Variants in PMS1 observed in about 807,000 individuals in gnomAD.
PMS1 encodes the protein PMS1 protein homolog 1.
In PMS1, 79 loss-of-function variants were observed where a neutral mutation model predicts 93.1. That is an observed-to-expected ratio of 0.85 (90% CI 0.71 to 1.02). The LOEUF is 1.02. PMS1 is among the 50% of genes least tolerant of loss of function. PMS1 has a pLI of 0.00. For synonymous variants in PMS1, 335 were observed against 363.4 expected (o/e 0.92, Z 0.89); for missense variants, 1,064 against 1,085.3 (o/e 0.98, Z 0.28).
intron 5 of PMS1, among the ~76,000 whole-genome samples, chr2:189,836,491 C>A (rs926050725): frequency 1.6e-4 from 24 of 152,126 alleles, no homozygotes; most frequent in African/African-American, 5.6e-4. Context: ...AAAAGAAAAT[C>A]TCTGTTTTTG....
At chr2:189,793,368 T>C (rs1390768162) in intron 2 of PMS1, among the ~76,000 whole-genome samples, 1 of 152,206 alleles carries the variant, frequency 6.6e-6, no homozygotes, top group Admixed American at 6.5e-5. Context: ...CTAGTAAATT[T>C]CTAATTGATG....
At chr2:189,859,056 A>G (rs2055672345) in intron 9 of PMS1, among the ~76,000 whole-genome samples, 1 of 152,180 alleles carries the variant, frequency 6.6e-6, no homozygotes, top group African/African-American at 2.4e-5. Context: ...TTTGAAGAGT[A>G]TGAGACTAGA....
Position 189,854,492 on chromosome 2 carries a change from T to G in PMS1, c.1220T>G (p.Leu407Ter), listed in dbSNP as rs2106461397. The part of the protein sequence containing the change: ...DESGKNTDDC[L>*]NHQISIGDFG... The stretch of plus-strand genomic sequence containing the variant: ...TCTGGAAAAAACACTGATGATTGTT[T>G]AAATCACCAGATAAGTATTGGTGAC... The change falls in exon 9 of 13, where the codon TTA (leucine) becomes TGA (stop). Residue 407 changes from leucine to a stop codon, truncating the protein, a stop_gained. Coordinates refer to ENST00000441310, the MANE Select transcript of PMS1 (RefSeq NM_000534.5). LOFTEE classifies it high-confidence loss of function. The G allele has an allele frequency of 2.5e-6, 4 of 1,613,502 alleles. No individual in the cohort carries two copies. Among genetic ancestry groups the G allele is most frequent in the Non-Finnish European group, 3.4e-6 (4 of 1,179,550 alleles).
intron 5 of PMS1, among the ~76,000 whole-genome samples, chr2:189,836,965 T>G (rs1233249): frequency 0.018 from 2,679 of 152,318 alleles, 73 homozygotes; most frequent in African/African-American, 0.061. Context: ...TATCTGTATC[T>G]AAGGCATCTA....
intron 7 of PMS1, 53 bp from the exon 8 acceptor site, chr2:189,853,886 G>C: frequency 8.6e-7 from 1 of 1,160,914 alleles, no homozygotes; most frequent in Non-Finnish European, 1.2e-6. Flanking sequence ...GGGTTTTATT[G>C]TACTTTTTAA....
intron 7 of PMS1, among the ~76,000 whole-genome samples, chr2:189,853,218 T>C (rs1216279907): frequency 6.6e-6 from 1 of 152,016 alleles, no homozygotes; most frequent in Non-Finnish European, 1.5e-5. Flanking sequence ...TATGCCCAGC[T>C]AATTTTTTTT....
At chr2:189,788,778 T>A (rs2106199092) in intron 1 of PMS1, among the ~76,000 whole-genome samples, 1 of 152,214 alleles carries the variant, frequency 6.6e-6, no homozygotes, top group East Asian at 1.9e-4. Context: ...TGAGTGTGTA[T>A]TAGCACATCT....
chr2:189,854,346 C>CTGCT lies in PMS1; in HGVS notation c.1074_1075insTGCT (p.Val359CysfsTer4). The stretch of plus-strand genomic sequence containing the variant: ...AAACAGATGTTTCCGCAGCTGACAT[C>CTGCT]GTTCTTAGTAAAACAGCAGAAACAG... On this transcript the variant is annotated frameshift_variant, in exon 9 of 13. Transcript: ENST00000441310. LOFTEE classifies it high-confidence loss of function. 1 of 1,599,872 alleles carries CTGCT rather than the reference C, an allele frequency of 6.3e-7. No individual in the cohort carries two copies. Among genetic ancestry groups the CTGCT allele is most frequent in the Non-Finnish European group, 8.5e-7 (1 of 1,172,234 alleles).
chr2:189,823,359 G>A (rs2052121083), intron 5 of PMS1, among the ~76,000 whole-genome samples: 1 of 151,858 alleles, frequency 6.6e-6, no homozygotes, highest in Non-Finnish European at 1.5e-5. Flanking sequence ...TGCCATGTTG[G>A]TGTGCTGCAC....
intron 6 of PMS1, among the ~76,000 whole-genome samples, chr2:189,852,266 G>T (rs1179326700): frequency 6.6e-6 from 1 of 152,052 alleles, no homozygotes; most frequent in Non-Finnish European, 1.5e-5. Context: ...GGAAAAGATG[G>T]TTAAAGACAA....
intron 12 of PMS1, among the ~76,000 whole-genome samples, chr2:189,874,704 T>A (rs186396596): frequency 7.4e-4 from 113 of 152,358 alleles, no homozygotes; most frequent in Non-Finnish European, 1.6e-4. Flanking sequence ...GAAAGTCTGC[T>A]TGTTAAACCT....
intron 11 of PMS1, among the ~76,000 whole-genome samples, chr2:189,869,997 C>G (rs562122738): frequency 6.6e-6 from 1 of 152,076 alleles, no homozygotes; most frequent in South Asian, 2.1e-4. Flanking sequence ...TATTGAATGC[C>G]TAATACTTTC....
At chr2:189,800,842 TA>T (rs1351807688) in intron 3 of PMS1, among the ~76,000 whole-genome samples, 1 of 152,202 alleles carries the variant, frequency 6.6e-6, no homozygotes, top group Non-Finnish European at 1.5e-5. Context: ...AAAATGTTAT[TA>T]AGAAGAAAAA....
At chr2:189,803,288 A>G (rs1575071511) in intron 3 of PMS1, among the ~76,000 whole-genome samples, 1 of 152,204 alleles carries the variant, frequency 6.6e-6, no homozygotes, top group Non-Finnish European at 1.5e-5. Context: ...AACATTGAAG[A>G]AAAACTATGT....
Position 189,863,767 on chromosome 2 carries a change from C to T in PMS1, c.1881C>T (p.Asp627=). The change falls in exon 10 of 13, where the codon GAC becomes GAT. Residue 627 remains aspartate, a synonymous_variant. Coordinates refer to ENST00000441310, the MANE Select transcript of PMS1 (RefSeq NM_000534.5). ...GATATGAAGAGAAGGCTACTAAAGA[C>T]TTGGAACGATACAATAGTCAAATGA... ...KLKYEEKATK[D]LERYNSQMKR... is the part of the protein sequence containing the mutation. The T allele has an allele frequency of 6.2e-7, 1 of 1,601,314 alleles. No homozygotes were observed. Among genetic ancestry groups the T allele is most frequent in the South Asian group, 1.1e-5 (1 of 90,746 alleles).
chr2:189,868,402 A>G (rs1257906956), intron 11 of PMS1, among the ~76,000 whole-genome samples: 1 of 152,196 alleles, frequency 6.6e-6, no homozygotes, highest in Non-Finnish European at 1.5e-5. Flanking sequence ...TTGGTAAAAG[A>G]CTGATAACCC....
At chr2:189,862,963 G>C (rs552136128) in intron 9 of PMS1, among the ~76,000 whole-genome samples, 2 of 152,136 alleles carry the variant, frequency 1.3e-5, no homozygotes, top group Non-Finnish European at 1.5e-5. Flanking sequence ...TCAATTTTCA[G>C]TTGTTCTGGA....
At chr2:189,816,121 TC>T (rs2051275683) in intron 4 of PMS1, among the ~76,000 whole-genome samples, 1 of 152,176 alleles carries the variant, frequency 6.6e-6, no homozygotes, top group Admixed American at 6.5e-5. Flanking sequence ...GGTCTCTACT[TC>T]CTGGGCTCAA....
chr2:189,803,253 A>G (rs1385228756), intron 3 of PMS1, among the ~76,000 whole-genome samples: 2 of 152,174 alleles, frequency 1.3e-5, no homozygotes, highest in East Asian at 1.9e-4. Flanking sequence ...GATATATTCT[A>G]AGTTTTTTCT....
Sources: allele counts gnomAD v4.1 joint callset (sites outside exome capture counted in the v4.1 genomes callset), GRCh38; gene constraint gnomAD v4.1.1; transcripts MANE v1.5; gene names NCBI Gene and HGNC (gene_info 2026-07-23, HGNC 2026-07-21).